COL22A1: variants seen among roughly 807,000 people sequenced by gnomAD.
The protein encoded by COL22A1 is collagen type XXII alpha 1 chain, also known as collagen alpha-1(XXII) chain.
In COL22A1, 221 loss-of-function variants were observed where a neutral mutation model predicts 248.9. The observed-to-expected ratio is 0.89, with a 90% confidence interval of 0.80 to 0.99. COL22A1 has a LOEUF of 0.99. Among genes scored for constraint, COL22A1 ranks in the 50% least tolerant of loss-of-function variants. COL22A1 has a pLI of 0.00. For synonymous variants in COL22A1, 891 were observed against 793.4 expected (o/e 1.12, Z -2.07); for missense variants, 2,240 against 2,179.0 (o/e 1.03, Z -0.56).
At chr8:138,615,957 A>C (rs1587681824) in intron 55 of COL22A1, 44 bp downstream of exon 55, 1 of 1,492,346 alleles carries the variant, frequency 6.7e-7, no homozygotes, top group Non-Finnish European at 9.3e-7. Flanking sequence ...TGATACACCC[A>C]CCCCCAGCCC....
intron 7 of COL22A1, among the ~76,000 whole-genome samples, chr8:138,816,421 C>T (rs1818694363): frequency 6.6e-6 from 1 of 152,330 alleles, no homozygotes; most frequent in African/African-American, 2.4e-5. Context: ...GGTTTCTGCC[C>T]TCAGCAATTA....
At position 138,878,182 on chromosome 8, in the gene COL22A1, G is replaced by A. The variant is rs757230475; in HGVS notation, c.226C>T (p.Arg76Cys). The change falls in exon 3 of 65, where the codon CGT becomes TGT. Residue 76 changes from arginine (R) to cysteine (C), a missense_variant. By Grantham distance (180) the Arg-to-Cys change is radical. Coordinates refer to ENST00000303045, the MANE Select transcript of COL22A1 (RefSeq NM_152888.3). The stretch of plus-strand genomic sequence containing the variant: ...TCGCTGTAGCGCACGACCCCCACAC[G>A]GGTGCGGTCGGGGCCCACCTCGAAG... Reference protein sequence around the residue: ...DTFEVGPDRTRVGVVRYSDRP... With the variant: ...DTFEVGPDRTCVGVVRYSDRP... 1.9e-6 allele frequency: 3 copies of A among 1,601,410 alleles called. No individual in the cohort carries two copies. Among genetic ancestry groups the A allele is most frequent in the South Asian group, 1.1e-5 (1 of 88,620 alleles).
intron 56 of COL22A1, among the ~76,000 whole-genome samples, chr8:138,610,928 T>C (rs1390556877): frequency 6.6e-6 from 1 of 152,158 alleles, no homozygotes; most frequent in Non-Finnish European, 1.5e-5. Context: ...TCGCTGGGCA[T>C]GGTGGTATGC....
At chr8:138,630,833 G>C in intron 49 of COL22A1, 85 bp from the exon 50 acceptor site, 1 of 1,176,810 alleles carries the variant, frequency 8.5e-7, no homozygotes, top group Non-Finnish European at 1.3e-6. Context: ...CAAAGCAATT[G>C]ATATGGTTGG....
chr8:138,722,301 C>T (rs1257883759), intron 25 of COL22A1: 1 of 573,262 alleles, frequency 1.7e-6, no homozygotes, highest in African/African-American at 1.9e-5. Context: ...ATATCACCCT[C>T]TGGGCAATGT....
At chr8:138,623,158 G>C (rs1366824372) in intron 52 of COL22A1, among the ~76,000 whole-genome samples, 1 of 149,730 alleles carries the variant, frequency 6.7e-6, no homozygotes, top group Non-Finnish European at 1.5e-5. Flanking sequence ...TGTGCCCCTG[G>C]ACAGCTGACA....
chr8:138,854,799 GTGATGGTGATGA>G (rs1563847424), intron 3 of COL22A1, among the ~76,000 whole-genome samples: 2 of 150,670 alleles, frequency 1.3e-5, no homozygotes, highest in South Asian at 2.1e-4. Context: ...TGTGATGGTG[GTGATGGTGATGA>G]TGATGGTGAT....
At chr8:138,627,864 A>G (rs1168029763) in intron 50 of COL22A1, among the ~76,000 whole-genome samples, 3 of 152,222 alleles carry the variant, frequency 2.0e-5, no homozygotes, top group Admixed American at 6.5e-5. Flanking sequence ...TGTTGATTAA[A>G]CAATCCAGTA....
At chr8:138,793,290 G>A (rs548291196) in intron 12 of COL22A1, among the ~76,000 whole-genome samples, 58 of 152,184 alleles carry the variant, frequency 3.8e-4, no homozygotes, top group African/African-American at 1.4e-3. Flanking sequence ...CTCTCTAGAC[G>A]CTATCAATTC....
chr8:138,724,506 T>A, intron 25 of COL22A1, 109 bp downstream of exon 25: 1 of 1,047,798 alleles, frequency 9.5e-7, no homozygotes. Flanking sequence ...GGCCAAGGAG[T>A]CCTCAGCTCT....
chr8:138,601,296 G>T (rs920197500), intron 60 of COL22A1, among the ~76,000 whole-genome samples: 8 of 152,202 alleles, frequency 5.3e-5, no homozygotes, highest in Non-Finnish European at 8.8e-5. Context: ...GAAGATCCAG[G>T]GGGGAGAATC....
At chr8:138,611,322 A>G (rs529220903) in intron 56 of COL22A1, among the ~76,000 whole-genome samples, 113 of 152,326 alleles carry the variant, frequency 7.4e-4, no homozygotes, top group African/African-American at 2.6e-3. Flanking sequence ...TTTACAGATG[A>G]GAAAACTGAG....
chr8:138,604,648 C>T, intron 59 of COL22A1, 86 bp downstream of exon 59: 1 of 1,117,810 alleles, frequency 8.9e-7, no homozygotes, highest in South Asian at 1.3e-5. Context: ...AAGTGTGGGC[C>T]CTTCTAAGCC....
chr8:138,740,850 C>T (rs376761515), intron 22 of COL22A1, among the ~76,000 whole-genome samples: 13 of 152,232 alleles, frequency 8.5e-5, no homozygotes, highest in East Asian at 1.9e-4. Flanking sequence ...CTGTACCTTC[C>T]GCACCCCCAG....
chr8:138,889,051 G>A (rs952310922), intron 1 of COL22A1, among the ~76,000 whole-genome samples: 4 of 152,174 alleles, frequency 2.6e-5, no homozygotes, highest in African/African-American at 9.7e-5. Flanking sequence ...ATGCCAAGCA[G>A]TATCTGATTA....
intron 2 of COL22A1, among the ~76,000 whole-genome samples, chr8:138,879,384 G>C (rs1824000309): frequency 6.6e-6 from 1 of 152,010 alleles, no homozygotes; most frequent in Admixed American, 6.6e-5. Context: ...AATATACAAG[G>C]AACTATCAAG....
intron 1 of COL22A1, among the ~76,000 whole-genome samples, chr8:138,908,014 C>A (rs1587018757): frequency 6.6e-6 from 1 of 152,194 alleles, no homozygotes; most frequent in Non-Finnish European, 1.5e-5. Flanking sequence ...TCCGTCCATG[C>A]AGACATTTCT....
intron 3 of COL22A1, among the ~76,000 whole-genome samples, chr8:138,876,182 A>G (rs904252761): frequency 1.3e-5 from 2 of 152,060 alleles, no homozygotes; most frequent in African/African-American, 4.8e-5. Context: ...CCCCAGCTGC[A>G]CGGGCCCATC....
At chr8:138,868,569 T>C (rs544587408) in intron 3 of COL22A1, among the ~76,000 whole-genome samples, 22 of 152,276 alleles carry the variant, frequency 1.4e-4, no homozygotes, top group Non-Finnish European at 2.6e-4. Context: ...TGAAAGTATA[T>C]GTACATAATA....
Sources: allele counts gnomAD v4.1 joint callset (sites outside exome capture counted in the v4.1 genomes callset), GRCh38; gene constraint gnomAD v4.1.1; transcripts MANE v1.5; gene names NCBI Gene and HGNC (gene_info 2026-07-23, HGNC 2026-07-21).